ASCC1: variants seen among roughly 807,000 people sequenced by gnomAD.
ASCC1 encodes activating signal cointegrator 1 complex subunit 1, also known as ASC-1 complex subunit P50.
In ASCC1, 35 loss-of-function variants were observed where a neutral mutation model predicts 46.6. The ratio of observed to expected loss-of-function variants is 0.75; its 90% confidence interval spans 0.57 to 0.99. The LOEUF is 0.99. Among genes scored for constraint, ASCC1 ranks in the 50% least tolerant of loss-of-function variants. The probability of loss-of-function intolerance (pLI) is 0.00; values close to 1 mark genes in which losing one functional copy is unlikely to be tolerated. For missense variants in ASCC1, 376 were observed against 428.7 expected (o/e 0.88, Z 1.09); for synonymous variants, 143 against 146.6 (o/e 0.98, Z 0.18).
In ASCC1 at chr10:72,166,570, G is replaced by GA. The variant is rs376516631; in HGVS notation, c.490-4897dup. On this transcript the variant is annotated intron_variant, in intron 5 of 9. Transcript: ENST00000672957. ...GACACCAAAAGCATAATCCATAAAAGAAAAAAAAATGGATAAAGTGAACTT... is the reference window on the plus strand; with the variant it reads ...GACACCAAAAGCATAATCCATAAAAGAAAAAAAAAATGGATAAAGTGAACTT... Among the ~76,000 whole-genome samples, 669 of 133,882 alleles carry GA rather than the reference G, an allele frequency of 5.0e-3. 5 individuals carry two copies. Among genetic ancestry groups the GA allele is most frequent in the African/African-American group, 0.018 (597 of 33,776 alleles). The allele number at this position is 133,882 out of a possible 152,430, so 87.8% of individuals were successfully genotyped here.
chr10:72,198,449 C>A (rs1564745562), intron 4 of ASCC1: 1 of 425,370 alleles, frequency 2.4e-6, no homozygotes. Context: ...ATGCTCATGC[C>A]TGTAATCCCA....
intron 5 of ASCC1, among the ~76,000 whole-genome samples, chr10:72,167,748 C>G (rs1180288911): frequency 6.6e-6 from 1 of 151,680 alleles, no homozygotes; most frequent in Non-Finnish European, 1.5e-5. Context: ...GCGATCCTCT[C>G]TCCTCAGCCT....
intron 7 of ASCC1, among the ~76,000 whole-genome samples, chr10:72,138,079 G>A (rs1326445994): frequency 6.6e-6 from 1 of 152,134 alleles, no homozygotes; most frequent in Non-Finnish European, 1.5e-5. Flanking sequence ...TGCCCAGGCT[G>A]GTCTCAAACT....
intron 9 of ASCC1, among the ~76,000 whole-genome samples, chr10:72,122,419 C>CAAA (rs1210357975): frequency 1.4e-5 from 1 of 72,228 alleles, no homozygotes; most frequent in Non-Finnish European, 2.8e-5. Flanking sequence ...GACGCAGTCT[C>CAAA]AAAAAAAAAA....
At chr10:72,173,992 G>C (rs1851558796) in intron 5 of ASCC1, among the ~76,000 whole-genome samples, 1 of 152,186 alleles carries the variant, frequency 6.6e-6, no homozygotes, top group Non-Finnish European at 1.5e-5. Flanking sequence ...GAATTTCCTG[G>C]GGCAGTTTTG....
intron 4 of ASCC1, chr10:72,198,548 C>T: frequency 4.4e-6 from 2 of 455,678 alleles, no homozygotes; most frequent in Non-Finnish European, 8.8e-6. Flanking sequence ...TCTGTCTCTA[C>T]AGTGGTTGGA....
intron 9 of ASCC1, among the ~76,000 whole-genome samples, chr10:72,098,491 C>T (rs531992566): frequency 7.9e-5 from 12 of 152,304 alleles, no homozygotes; most frequent in South Asian, 2.1e-4. Context: ...TCCCAAAGCA[C>T]GGAGATTACA....
At chr10:72,209,376 G>A (rs1220110082) in intron 3 of ASCC1, among the ~76,000 whole-genome samples, 1 of 151,668 alleles carries the variant, frequency 6.6e-6, no homozygotes, top group African/African-American at 2.4e-5. Context: ...CAGCTACTTG[G>A]GAGGCTGAGG....
At chr10:72,213,496 G>T in intron 1 of ASCC1, 165 bp from the exon 2 acceptor site, 1 of 531,680 alleles carries the variant, frequency 1.9e-6, no homozygotes. Flanking sequence ...ACCAGTTTAG[G>T]TTAATTGCTG....
At chr10:72,108,763 T>A (rs1320182823) in intron 9 of ASCC1, among the ~76,000 whole-genome samples, 1 of 152,226 alleles carries the variant, frequency 6.6e-6, no homozygotes, top group African/African-American at 2.4e-5. Flanking sequence ...TAAGATGAAA[T>A]TTTGAGCTCT....
At chr10:72,116,563 T>A (rs996517870) in intron 9 of ASCC1, among the ~76,000 whole-genome samples, 2 of 152,218 alleles carry the variant, frequency 1.3e-5, no homozygotes, top group Non-Finnish European at 2.9e-5. Context: ...CTGAACGTTT[T>A]GTTCTCTTTC....
chr10:72,195,139 GT>G (rs142672810), intron 5 of ASCC1, among the ~76,000 whole-genome samples: 49 of 61,020 alleles, frequency 8.0e-4, no homozygotes, highest in East Asian at 4.4e-3. Context: ...TTTTTGCTGT[GT>G]TTTTTTTTTT....
At chr10:72,155,314 T>A (rs1475357813) in intron 6 of ASCC1, among the ~76,000 whole-genome samples, 2 of 152,188 alleles carry the variant, frequency 1.3e-5, no homozygotes, top group Non-Finnish European at 2.9e-5. Flanking sequence ...AACACAAAAG[T>A]GTATATACTA....
intron 6 of ASCC1, among the ~76,000 whole-genome samples, chr10:72,161,153 T>A (rs1248124347): frequency 6.6e-6 from 1 of 150,920 alleles, no homozygotes; most frequent in Non-Finnish European, 1.5e-5. Context: ...AGAATCGTGT[T>A]ATAATGTTTG....
chr10:72,199,838 C>T (rs538572074), intron 4 of ASCC1, among the ~76,000 whole-genome samples: 1 of 152,004 alleles, frequency 6.6e-6, no homozygotes, highest in African/African-American at 2.4e-5. Flanking sequence ...ATAAAAAGAT[C>T]CTCCCACCTC....
At chr10:72,147,064 G>T (rs1175246993) in intron 7 of ASCC1, among the ~76,000 whole-genome samples, 1 of 149,846 alleles carries the variant, frequency 6.7e-6, no homozygotes. Flanking sequence ...TTAAATAAGT[G>T]AATAAGTCCC....
intron 6 of ASCC1, among the ~76,000 whole-genome samples, chr10:72,155,968 C>T (rs998275892): frequency 6.6e-6 from 1 of 152,198 alleles, no homozygotes; most frequent in Non-Finnish European, 1.5e-5. Flanking sequence ...GGAAGCTGTT[C>T]TGGACAATTT....
At chr10:72,133,408 G>A in intron 7 of ASCC1, 1 of 517,612 alleles carries the variant, frequency 1.9e-6, no homozygotes, top group South Asian at 2.0e-5. Context: ...AATATATTAT[G>A]GTGAGCGTGA....
chr10:72,200,709 A>C (rs967378034), intron 4 of ASCC1, among the ~76,000 whole-genome samples: 1 of 152,136 alleles, frequency 6.6e-6, no homozygotes, highest in Non-Finnish European at 1.5e-5. Context: ...TGCAATTATA[A>C]AATGACCTTG....
Sources: allele counts gnomAD v4.1 joint callset (sites outside exome capture counted in the v4.1 genomes callset), GRCh38; gene constraint gnomAD v4.1.1; transcripts MANE v1.5; gene names NCBI Gene and HGNC (gene_info 2026-07-23, HGNC 2026-07-21).